The following ELK3 variants were observed in gnomAD, a reference collection of about 807,000 sequenced individuals.
ELK3 encodes ETS transcription factor ELK3.
Under a neutral mutation model 28.9 loss-of-function variants are expected in ELK3, and 10 were observed. That is an observed-to-expected ratio of 0.35 (90% CI 0.21 to 0.59). The LOEUF is 0.59. ELK3 is among the 20% of genes least tolerant of loss of function. The pLI, the probability that ELK3 is intolerant of heterozygous loss-of-function variation, is 0.82. For synonymous variants in ELK3, 272 were observed against 243.5 expected (o/e 1.12, Z -1.09); for missense variants, 463 against 517.3 (o/e 0.90, Z 1.02).
chr12:96,267,263 G>A lies in ELK3; in HGVS notation c.*83G>A, dbSNP rs769400373. The A allele has an allele frequency of 8.4e-6, 10 of 1,191,842 alleles. No individual in the cohort carries two copies. The highest frequency in any genetic ancestry group is 1.5e-5 in the South Asian group (1 of 66,756). 73.8% of individuals were successfully genotyped at this position (1,191,842 alleles called of 1,614,324 possible). A position where few individuals can be genotyped will look rare whatever the true frequency, so the allele number is the denominator to read the frequency against. On this transcript the variant is annotated 3_prime_UTR_variant, in exon 5 of 5. Coordinates refer to ENST00000228741, the MANE Select transcript of ELK3 (RefSeq NM_005230.4). ...GCTAGTTTACCTGTGTCGTGAGAAG[G>A]ACATTGTGAAACTCTTGTTAATTTG...
chr12:96,252,005 A>G (rs530547265), intron 3 of ELK3, among the ~76,000 whole-genome samples: 1 of 152,268 alleles, frequency 6.6e-6, no homozygotes, highest in African/African-American at 2.4e-5. Context: ...GGACTTTCAT[A>G]GCTGGAGAAG....
chr12:96,199,921 C>G (rs1951498047), intron 1 of ELK3, among the ~76,000 whole-genome samples: 1 of 151,988 alleles, frequency 6.6e-6, no homozygotes, highest in Non-Finnish European at 1.5e-5. Flanking sequence ...CTCACACACT[C>G]TAAAACAAGG....
chr12:96,248,336 C>A (rs1053719044), intron 3 of ELK3, among the ~76,000 whole-genome samples: 1 of 152,214 alleles, frequency 6.6e-6, no homozygotes, highest in Non-Finnish European at 1.5e-5. Context: ...GCCAAAAAAG[C>A]CTTCGTTGTT....
intron 2 of ELK3, among the ~76,000 whole-genome samples, chr12:96,228,442 A>AAAAAAAAAAAAAAAG (rs761298726): frequency 5.6e-5 from 8 of 142,646 alleles, no homozygotes; most frequent in Admixed American, 2.2e-4. Context: ...AAAAAAAAAA[A>AAAAAAAAAAAAAAAG]AAGAAGATCA....
At chr12:96,223,251 G>C (rs1170861662) in intron 1 of ELK3, among the ~76,000 whole-genome samples, 1 of 152,160 alleles carries the variant, frequency 6.6e-6, no homozygotes, top group Non-Finnish European at 1.5e-5. Flanking sequence ...GACTCATTCT[G>C]CAAGTGGTCA....
chr12:96,252,487 T>TTA (rs748975744), intron 3 of ELK3, among the ~76,000 whole-genome samples: 2 of 151,942 alleles, frequency 1.3e-5, no homozygotes, highest in Non-Finnish European at 2.9e-5. Flanking sequence ...CCATCCTAGA[T>TTA]GCTATTAAGA....
chr12:96,204,834 G>A (rs1210655600), intron 1 of ELK3, among the ~76,000 whole-genome samples: 4 of 152,222 alleles, frequency 2.6e-5, no homozygotes, highest in African/African-American at 9.7e-5. Flanking sequence ...TCTGGTTAAC[G>A]CTCATTGAAC....
chr12:96,195,255 G>A (rs1024069985), intron 1 of ELK3, among the ~76,000 whole-genome samples: 8 of 151,356 alleles, frequency 5.3e-5, no homozygotes, highest in African/African-American at 1.9e-4. Flanking sequence ...GGGCGGTGGA[G>A]GACATGGGTC....
At chr12:96,219,690 C>G (rs1360360080) in intron 1 of ELK3, among the ~76,000 whole-genome samples, 6 of 152,194 alleles carry the variant, frequency 3.9e-5, no homozygotes, top group Non-Finnish European at 8.8e-5. Context: ...GGTCCCAGAG[C>G]TGCCTGGGGG....
chr12:96,204,101 C>T (rs576782943), intron 1 of ELK3, among the ~76,000 whole-genome samples: 7 of 152,174 alleles, frequency 4.6e-5, no homozygotes, highest in African/African-American at 1.4e-4. Flanking sequence ...TGTTACTATA[C>T]TGAGAGTGGT....
intron 4 of ELK3, among the ~76,000 whole-genome samples, chr12:96,264,531 C>T (rs1313339567): frequency 2.0e-5 from 3 of 152,006 alleles, no homozygotes; most frequent in Non-Finnish European, 4.4e-5. Flanking sequence ...GCCTGTAATC[C>T]CAGCACTTTG....
At chr12:96,198,091 G>A (rs911998502) in intron 1 of ELK3, 4 of 152,140 alleles carry the variant, frequency 2.6e-5, no homozygotes, top group African/African-American at 9.7e-5. Context: ...ACACTTCATA[G>A]AAAACTATCC....
In ELK3 at chr12:96,247,637, C is replaced by T. The variant is rs1311322502; in HGVS notation, c.905C>T (p.Pro302Leu). 4 of 1,613,074 alleles carry T rather than the reference C, an allele frequency of 2.5e-6. No individual in the cohort carries two copies. The highest frequency in any genetic ancestry group is 2.7e-5 in the African/African-American group (2 of 74,940). Residue 302 changes from proline (P) to leucine (L), a missense_variant, in exon 3 of 5, where the codon CCC (proline) becomes CTC (leucine). Physicochemically the swap from Pro to Leu is moderately conservative, Grantham distance 98. This residue lies in a region of ELK3 where 408 missense variants were observed against 414.8 expected (regional missense o/e 0.98). Coordinates refer to ENST00000228741, the MANE Select transcript of ELK3 (RefSeq NM_005230.4). The surrounding 1 kb of genome is among the most constrained non-coding windows in gnomAD (Gnocchi z 5.5). The stretch of plus-strand genomic sequence containing the variant: ...CCCAAAGGCTTGGAAATCTCAGCGC[C>T]CCCGCTGGTGCTCTCCGGCACCGAC... ...KKPKGLEISA[P>L]PLVLSGTDIG...
intron 3 of ELK3, among the ~76,000 whole-genome samples, chr12:96,258,930 G>GGCT (rs1432908862): frequency 1.3e-5 from 2 of 152,308 alleles, no homozygotes; most frequent in South Asian, 2.1e-4. Context: ...CTTCTGAAGA[G>GGCT]GCTGCTACAG....
chr12:96,196,979 T>A (rs550701390), intron 1 of ELK3, among the ~76,000 whole-genome samples: 1 of 152,288 alleles, frequency 6.6e-6, no homozygotes, highest in East Asian at 1.9e-4. Flanking sequence ...CCTAATGCTA[T>A]GCCTTCACAG....
At chr12:96,194,958 C>T (rs557693636) in intron 1 of ELK3, among the ~76,000 whole-genome samples, 3 of 135,076 alleles carry the variant, frequency 2.2e-5, no homozygotes, top group African/African-American at 8.1e-5. Flanking sequence ...CCCGGGGCTG[C>T]GGGGACCCTG....
At chr12:96,241,646 A>G (rs1297602815) in intron 2 of ELK3, among the ~76,000 whole-genome samples, 1 of 152,190 alleles carries the variant, frequency 6.6e-6, no homozygotes, top group African/African-American at 2.4e-5. Flanking sequence ...GGCTGCTGTC[A>G]TGGGATGCCT....
At chr12:96,251,943 A>G (rs888825675) in intron 3 of ELK3, among the ~76,000 whole-genome samples, 3 of 152,244 alleles carry the variant, frequency 2.0e-5, no homozygotes, top group African/African-American at 4.8e-5. Context: ...GGCTACGTCA[A>G]ACAGCTTCAC....
chr12:96,219,611 A>G (rs1592675617), intron 1 of ELK3, among the ~76,000 whole-genome samples: 1 of 152,134 alleles, frequency 6.6e-6, no homozygotes, highest in Non-Finnish European at 1.5e-5. Context: ...CTGTCCCCCT[A>G]CCCAAACCTC....
Sources: allele counts gnomAD v4.1 joint callset (sites outside exome capture counted in the v4.1 genomes callset), GRCh38; gene constraint gnomAD v4.1.1; regional missense constraint gnomAD v4.1.1; non-coding constraint Gnocchi (gnomAD v3.1); transcripts MANE v1.5; gene names NCBI Gene and HGNC (gene_info 2026-07-23, HGNC 2026-07-21).